DPYS: variants seen among roughly 807,000 people sequenced by gnomAD.
DPYS encodes dihydropyrimidine amidohydrolase.
DPYS carries 39 observed loss-of-function variants against 50.3 expected under a neutral mutation model. That is an observed-to-expected ratio of 0.78 (90% CI 0.60 to 1.01). DPYS has a LOEUF of 1.01. Ranked by LOEUF, DPYS falls within the 50% of genes least tolerant of loss-of-function variation. The pLI is 0.00. For synonymous variants in DPYS, 245 were observed against 250.7 expected, an observed-to-expected ratio of 0.98 and a Z score of 0.22; for missense variants, 659 against 680.9, an observed-to-expected ratio of 0.97 and a Z score of 0.36.
chr8:104,464,694 A>G (rs1222089556), intron 1 of DPYS, among the ~76,000 whole-genome samples: 2 of 152,242 alleles, frequency 1.3e-5, no homozygotes, highest in Non-Finnish European at 2.9e-5. Context: ...GATATCGATT[A>G]TGTAAAATAG....
At chr8:104,428,446 T>G (rs1377800887) in intron 5 of DPYS, among the ~76,000 whole-genome samples, 1 of 152,250 alleles carries the variant, frequency 6.6e-6, no homozygotes, top group Non-Finnish European at 1.5e-5. Flanking sequence ...AATAGTCACA[T>G]GTACTTGATG....
At chr8:104,410,241 G>C (rs1158826415) in intron 7 of DPYS, among the ~76,000 whole-genome samples, 1 of 151,572 alleles carries the variant, frequency 6.6e-6, no homozygotes, top group East Asian at 1.9e-4. Flanking sequence ...CTTTCATCTT[G>C]ACTTATCCCC....
intron 2 of DPYS, among the ~76,000 whole-genome samples, chr8:104,449,238 T>C (rs1311262845): frequency 6.6e-6 from 1 of 152,104 alleles, no homozygotes; most frequent in Non-Finnish European, 1.5e-5. Flanking sequence ...GAAAAAAAAA[T>C]GCTTGAAACA....
intron 8 of DPYS, among the ~76,000 whole-genome samples, chr8:104,390,066 C>T (rs1460656179): frequency 6.6e-6 from 1 of 152,230 alleles, no homozygotes; most frequent in African/African-American, 2.4e-5. Context: ...TATGGTCTAT[C>T]AGGGTTCCCT....
chr8:104,392,933 C>A lies in DPYS; in HGVS notation c.1294G>T (p.Val432Phe), dbSNP rs772692442. 3 of 1,614,088 alleles carry A rather than the reference C, an allele frequency of 1.9e-6. No individual in the cohort carries two copies. Among genetic ancestry groups the A allele is most frequent in the African/African-American group, 2.7e-5 (2 of 74,922 alleles). Residue 432 changes from valine (V) to phenylalanine (F), a missense_variant, in exon 8 of 10, where the codon GTT becomes TTT. Transcript: ENST00000351513. Reference protein sequence around the residue: ...AVNFNIFEGMVCHGVPLVTIS... With the variant: ...AVNFNIFEGMFCHGVPLVTIS... ...GTCACAAGGGGCACCCCGTGGCAAA[C>A]CATGCCCTCGAAAATGTTGAAGTTA...
intron 6 of DPYS, among the ~76,000 whole-genome samples, chr8:104,425,753 T>TG: frequency 6.6e-6 from 1 of 152,294 alleles, no homozygotes; most frequent in East Asian, 1.9e-4. Context: ...CAGAGGGGTG[T>TG]GGCTCCTCTA....
In DPYS at chr8:104,424,504, T is replaced by C. The variant is rs185796911; in HGVS notation, c.1093-115A>G. The C allele has an allele frequency of 6.8e-5, 74 of 1,094,812 alleles. No homozygotes were observed. In the South Asian group the frequency reaches 9.5e-4, roughly 14 times the overall value. The allele number at this position is 1,094,812 out of a possible 1,614,324, so 67.8% of individuals were successfully genotyped here. On this transcript the variant is annotated intron_variant, in intron 6 of 9. Coordinates refer to ENST00000351513, the MANE Select transcript of DPYS (RefSeq NM_001385.3). The stretch of plus-strand genomic sequence containing the variant: ...ACAGAACTGCACCTAATTTCTTATA[T>C]TGTAGAGCATCTGAGGATGCTGGTA...
intron 6 of DPYS, among the ~76,000 whole-genome samples, 155 bp downstream of exon 6, chr8:104,427,825 G>T (rs1196233556): frequency 6.6e-6 from 1 of 152,216 alleles, no homozygotes; most frequent in Non-Finnish European, 1.5e-5. Context: ...GGGATGGAAT[G>T]GTGGTCGAGG....
chr8:104,390,295 G>A (rs1055625210), intron 8 of DPYS, among the ~76,000 whole-genome samples: 3 of 151,876 alleles, frequency 2.0e-5, no homozygotes, highest in Non-Finnish European at 4.4e-5. Flanking sequence ...TTTTTTCCTT[G>A]AGAGACTTTA....
chr8:104,461,358 C>A (rs554113186), intron 1 of DPYS, among the ~76,000 whole-genome samples: 1 of 139,736 alleles, frequency 7.2e-6, no homozygotes, highest in Non-Finnish European at 1.6e-5. Flanking sequence ...TATCCATCAT[C>A]GACAAGAATA....
At chr8:104,440,569 C>A (rs1246041365) in intron 4 of DPYS, among the ~76,000 whole-genome samples, 1 of 152,008 alleles carries the variant, frequency 6.6e-6, no homozygotes, top group Non-Finnish European at 1.5e-5. Context: ...CCAGTCTGGC[C>A]AACATGGTGA....
chr8:104,394,188 G>C (rs2669424), intron 7 of DPYS, among the ~76,000 whole-genome samples: 44,932 of 152,178 alleles, frequency 0.3, 8,521 homozygotes, highest in Non-Finnish European at 0.42. Flanking sequence ...GGCTGAGTGA[G>C]TCTAAGGAGG....
At chr8:104,402,123 C>T (rs1811836632) in intron 7 of DPYS, among the ~76,000 whole-genome samples, 1 of 152,166 alleles carries the variant, frequency 6.6e-6, no homozygotes, top group Non-Finnish European at 1.5e-5. Context: ...TGATGTAGGT[C>T]ATGGTGAGAT....
At chr8:104,441,559 GAGA>G (rs2140693757) in intron 4 of DPYS, among the ~76,000 whole-genome samples, 1 of 152,324 alleles carries the variant, frequency 6.6e-6, no homozygotes, top group South Asian at 2.1e-4. Context: ...AATGTGATGT[GAGA>G]AGATCTCAAC....
At chr8:104,398,410 G>C (rs774826776) in intron 7 of DPYS, among the ~76,000 whole-genome samples, 1 of 152,278 alleles carries the variant, frequency 6.6e-6, no homozygotes, top group African/African-American at 2.4e-5. Context: ...TGGGGCATCA[G>C]TCCTGGCTGC....
chr8:104,457,755 C>T (rs1054767845), intron 1 of DPYS, among the ~76,000 whole-genome samples: 1 of 152,226 alleles, frequency 6.6e-6, no homozygotes, highest in Non-Finnish European at 1.5e-5. Flanking sequence ...AAGAAGCACA[C>T]TCAGCTTTGT....
At chr8:104,398,631 C>A (rs1202040157) in intron 7 of DPYS, among the ~76,000 whole-genome samples, 3 of 152,300 alleles carry the variant, frequency 2.0e-5, no homozygotes, top group East Asian at 1.9e-4. Context: ...TTGAAAAACA[C>A]AAATTTGAGG....
chr8:104,429,428 G>A, intron 5 of DPYS, 117 bp downstream of exon 5: 1 of 1,374,478 alleles, frequency 7.3e-7, no homozygotes. Context: ...GGACCTGACA[G>A]GTCAAGTAGA....
intron 3 of DPYS, among the ~76,000 whole-genome samples, chr8:104,445,795 G>T (rs989655236): frequency 6.6e-6 from 1 of 152,020 alleles, no homozygotes; most frequent in Non-Finnish European, 1.5e-5. Flanking sequence ...CCTGTAATCC[G>T]AGCACTTTGG....
Sources: allele counts gnomAD v4.1 joint callset (sites outside exome capture counted in the v4.1 genomes callset), GRCh38; gene constraint gnomAD v4.1.1; transcripts MANE v1.5; gene names NCBI Gene and HGNC (gene_info 2026-07-23, HGNC 2026-07-21).